Variants in RORA observed in about 807,000 individuals in gnomAD.
The protein encoded by RORA is RAR related orphan receptor A, also known as nuclear receptor ROR-alpha.
Under a neutral mutation model 69.5 loss-of-function variants are expected in RORA, and 7 were observed. That is an observed-to-expected ratio of 0.10 (90% CI 0.06 to 0.19). The LOEUF is 0.19. Among genes scored for constraint, RORA ranks in the 10% least tolerant of loss-of-function variants. RORA has a pLI of 1.00. For synonymous variants in RORA, 261 were observed against 240.8 expected, an observed-to-expected ratio of 1.08 and a Z score of -0.78; for missense variants, 457 against 663.0, an observed-to-expected ratio of 0.69 and a Z score of 3.41.
At chr15:60,988,352 A>G (rs764421832) in intron 1 of RORA, among the ~76,000 whole-genome samples, 3 of 152,294 alleles carry the variant, frequency 2.0e-5, no homozygotes, top group Middle Eastern at 6.8e-3. Flanking sequence ...GCATGCTAAT[A>G]GCCAGGAAGT....
chr15:60,894,469 G>A (rs973582387), intron 1 of RORA, among the ~76,000 whole-genome samples: 2 of 152,202 alleles, frequency 1.3e-5, no homozygotes, highest in Non-Finnish European at 2.9e-5. Context: ...TGAGGCTTCC[G>A]AAGTCACAAA....
At chr15:61,104,622 T>C (rs782913) in intron 1 of RORA, among the ~76,000 whole-genome samples, 54,398 of 151,976 alleles carry the variant, frequency 0.36, 9,995 homozygotes, top group South Asian at 0.46. Context: ...CCCCTCATGT[T>C]TTAGCCCACT....
At chr15:60,931,815 A>T (rs1458565308) in intron 1 of RORA, among the ~76,000 whole-genome samples, 1 of 152,244 alleles carries the variant, frequency 6.6e-6, no homozygotes, top group Non-Finnish European at 1.5e-5. Context: ...GACTCAAAAC[A>T]GTTGGCTGAG....
chr15:60,865,866 G>A (rs571386467), intron 1 of RORA, among the ~76,000 whole-genome samples: 6 of 152,296 alleles, frequency 3.9e-5, no homozygotes, highest in South Asian at 4.1e-4. Context: ...AATGAAGATC[G>A]TTGTGTCAGG....
chr15:60,699,442 T>A (rs2070951373), intron 1 of RORA, among the ~76,000 whole-genome samples: 1 of 152,160 alleles, frequency 6.6e-6, no homozygotes, highest in Non-Finnish European at 1.5e-5. Flanking sequence ...TTCTTTGTTC[T>A]CCCGAGAGGT....
rs188463713 is a variant in RORA, at chr15:60,558,234, A to C, written c.197-26383T>G. The C allele has an allele frequency of 5.6e-6, 9 of 1,610,414 alleles. No homozygotes were observed. In the African/African-American group the frequency reaches 1.2e-4, roughly 21 times the overall value. ...CTTTGGATTCACTTACACAGACGCC[A>C]GTAAGAACAAAAGCATCACCTGAAG... is the stretch of plus-strand genomic sequence containing the variant. On this transcript the variant is annotated intron_variant, in intron 2 of 10. Transcript: ENST00000335670.
chr15:60,561,372 C>T (rs1420825071), intron 2 of RORA, among the ~76,000 whole-genome samples: 11 of 151,872 alleles, frequency 7.2e-5, no homozygotes, highest in South Asian at 2.1e-4. Context: ...TGAGCCACCG[C>T]GCCTGGCCAA....
intron 1 of RORA, among the ~76,000 whole-genome samples, chr15:61,138,762 A>C (rs1163031277): frequency 6.6e-6 from 1 of 152,162 alleles, no homozygotes; most frequent in Non-Finnish European, 1.5e-5. Flanking sequence ...TCTAAGCAAA[A>C]ACAAATGTTC....
chr15:60,662,224 T>TCTCCTA (rs2070314163), intron 2 of RORA, among the ~76,000 whole-genome samples: 1 of 152,216 alleles, frequency 6.6e-6, no homozygotes, highest in African/African-American at 2.4e-5. Context: ...CCACCACTAA[T>TCTCCTA]CTCCTACTTA....
chr15:60,989,337 T>C (rs142950591), intron 1 of RORA, among the ~76,000 whole-genome samples: 295 of 152,376 alleles, frequency 1.9e-3, no homozygotes, highest in Middle Eastern at 0.014. Flanking sequence ...CTTTTGTGTA[T>C]GGTCTTTCTT....
At chr15:61,197,115 A>G (rs55870008) in intron 1 of RORA, among the ~76,000 whole-genome samples, 64,962 of 152,156 alleles carry the variant, frequency 0.43, 15,533 homozygotes, top group South Asian at 0.57. Context: ...TCCCGGTGCC[A>G]CACCCGGGCC....
At chr15:60,644,287 A>G (rs1312189511) in intron 2 of RORA, among the ~76,000 whole-genome samples, 1 of 152,212 alleles carries the variant, frequency 6.6e-6, no homozygotes, top group Non-Finnish European at 1.5e-5. Flanking sequence ...ACACATTAAC[A>G]GTGGTAAGAG....
In RORA at chr15:60,727,283, T is replaced by C. The variant is rs189169719; in HGVS notation, c.167-48597A>G. ...GCAATTGCTTCCCTGTGCTCGTTTT[T>C]AACCTTTAATATGACTTGGAATATC... On this transcript the variant is annotated intron_variant, in intron 1 of 10. Transcript: ENST00000335670. 5.9e-5 allele frequency among the ~76,000 whole-genome samples: 9 copies of C among 152,332 alleles called. No individual in the cohort carries two copies. The East Asian group carries it at 1.5e-3, about 26-fold the overall frequency.
At chr15:60,962,296 C>A (rs932324570) in intron 1 of RORA, among the ~76,000 whole-genome samples, 1 of 152,270 alleles carries the variant, frequency 6.6e-6, no homozygotes, top group African/African-American at 2.4e-5. Context: ...CCTGATGCAG[C>A]CTTTAACTCA....
intron 1 of RORA, among the ~76,000 whole-genome samples, chr15:60,790,965 C>G (rs575434862): frequency 1.3e-4 from 20 of 151,954 alleles, no homozygotes; most frequent in Non-Finnish European, 2.4e-4. Context: ...CTAGAAACGC[C>G]CCCCCATTGC....
chr15:60,807,545 C>G (rs2072677182), intron 1 of RORA, among the ~76,000 whole-genome samples: 1 of 152,038 alleles, frequency 6.6e-6, no homozygotes, highest in South Asian at 2.1e-4. Context: ...AAAATATCAC[C>G]ATCATTCTTC....
At chr15:60,801,412 TTTAGTGGC>T (rs143759147) in intron 1 of RORA, among the ~76,000 whole-genome samples, 36,553 of 151,934 alleles carry the variant, frequency 0.24, 4,936 homozygotes, top group Admixed American at 0.34. Context: ...AAACACAGAC[TTTAGTGGC>T]TTAGATATTT....
intron 1 of RORA, among the ~76,000 whole-genome samples, chr15:60,997,734 G>A (rs1009980897): frequency 6.6e-6 from 1 of 152,044 alleles, no homozygotes; most frequent in African/African-American, 2.4e-5. Flanking sequence ...TACAATAGAA[G>A]ATTCTAAAAA....
intron 1 of RORA, among the ~76,000 whole-genome samples, chr15:61,133,660 C>T (rs1424633066): frequency 3.3e-5 from 5 of 152,136 alleles, no homozygotes; most frequent in Non-Finnish European, 5.9e-5. Flanking sequence ...TCTGGGGCCA[C>T]GACTACATTC....
Sources: allele counts gnomAD v4.1 joint callset (sites outside exome capture counted in the v4.1 genomes callset), GRCh38; gene constraint gnomAD v4.1.1; transcripts MANE v1.5; gene names NCBI Gene and HGNC (gene_info 2026-07-23, HGNC 2026-07-21).